MLIP: variants seen among roughly 807,000 people sequenced by gnomAD.
The protein encoded by MLIP is muscular LMNA-interacting protein.
Under a neutral mutation model 84.8 loss-of-function variants are expected in MLIP, and 79 were observed. That is an observed-to-expected ratio of 0.93 (90% confidence interval 0.78 to 1.12). The LOEUF is 1.12. Ranked by LOEUF, MLIP falls within the 50% of genes most tolerant of loss-of-function variation. The pLI is 0.00. For missense variants in MLIP, 1,257 were observed against 1,160.6 expected (o/e 1.08, Z -1.21); for synonymous variants, 504 against 463.0 (o/e 1.09, Z -1.14).
chr6:54,142,309 A>C (rs1772385008), intron 4 of MLIP, among the ~76,000 whole-genome samples: 1 of 152,198 alleles, frequency 6.6e-6, no homozygotes, highest in African/African-American at 2.4e-5. Context: ...CCTCCAAATA[A>C]GTAAATTATT....
At chr6:54,241,092 A>G (rs964158952) in intron 12 of MLIP, among the ~76,000 whole-genome samples, 95 of 152,106 alleles carry the variant, frequency 6.2e-4, no homozygotes, top group African/African-American at 2.2e-3. Context: ...AGAAAACACT[A>G]TGCTTCCCCT....
intron 9 of MLIP, among the ~76,000 whole-genome samples, chr6:54,171,763 T>C (rs1044019499): frequency 9.9e-5 from 15 of 151,586 alleles, no homozygotes; most frequent in African/African-American, 2.9e-4. Context: ...TTGACTGAGC[T>C]ATGGGATGTC....
intron 1 of MLIP, among the ~76,000 whole-genome samples, chr6:54,098,863 C>T (rs1768422814): frequency 6.6e-6 from 1 of 152,100 alleles, no homozygotes. Flanking sequence ...CTTATTATCC[C>T]TATTTTACAG....
At chr6:54,116,763 A>G (rs748785839) in intron 1 of MLIP, among the ~76,000 whole-genome samples, 1 of 152,214 alleles carries the variant, frequency 6.6e-6, no homozygotes, top group Non-Finnish European at 1.5e-5. Flanking sequence ...CATTACCCTG[A>G]TGCCAAAACC....
intron 1 of MLIP, among the ~76,000 whole-genome samples, chr6:54,102,965 T>C (rs1380896527): frequency 6.6e-6 from 1 of 152,116 alleles, no homozygotes; most frequent in Non-Finnish European, 1.5e-5. Context: ...CTTTAGGTAA[T>C]GATTTTATAA....
chr6:54,019,016 A>T (rs750967625), exon 1 of MLIP: 1 of 1,602,126 alleles, frequency 6.2e-7, no homozygotes, highest in Admixed American at 1.7e-5. Flanking sequence ...TCTCTTTCTC[A>T]TTCTCTTTCA....
chr6:54,169,960 C>A (rs955577627), intron 9 of MLIP, among the ~76,000 whole-genome samples: 1 of 151,730 alleles, frequency 6.6e-6, no homozygotes, highest in African/African-American at 2.4e-5. Context: ...CCAGTTTAAT[C>A]AACTTTGACT....
intron 4 of MLIP, among the ~76,000 whole-genome samples, chr6:54,144,427 G>C (rs752115097): frequency 6.6e-6 from 1 of 152,202 alleles, no homozygotes; most frequent in African/African-American, 2.4e-5. Context: ...TTTGGCACCA[G>C]GGACCAGTTT....
At position 54,168,042 on chromosome 6, in the gene MLIP, T is replaced by C. The variant is rs1775376091; in HGVS notation, c.2500-1486T>C. Among the ~76,000 whole-genome samples, 4 of 152,048 alleles carry C rather than the reference T, an allele frequency of 2.6e-5. No individual in the cohort carries two copies. In the South Asian group the frequency reaches 8.3e-4, roughly 31 times the overall value. On this transcript the variant is annotated intron_variant, in intron 8 of 13. Transcript: ENST00000502396. ...CCCATCCTCTTTTGATTTTGCCCAGTAACTATTCACTTTCTTTTTAGTTCA... is the reference window on the plus strand; with the variant it reads ...CCCATCCTCTTTTGATTTTGCCCAGCAACTATTCACTTTCTTTTTAGTTCA...
chr6:54,095,778 G>A (rs1014031863), intron 1 of MLIP, among the ~76,000 whole-genome samples: 3 of 152,192 alleles, frequency 2.0e-5, no homozygotes, highest in Admixed American at 1.3e-4. Flanking sequence ...AGTTTGCAGA[G>A]TCAGAATCTC....
intron 10 of MLIP, among the ~76,000 whole-genome samples, chr6:54,197,973 C>A (rs1778413635): frequency 6.6e-6 from 1 of 152,028 alleles, no homozygotes; most frequent in South Asian, 2.1e-4. Flanking sequence ...CACAAAGTTG[C>A]AATGTAGATG....
At chr6:54,061,572 T>G (rs559404818) in intron 1 of MLIP, among the ~76,000 whole-genome samples, 1 of 152,332 alleles carries the variant, frequency 6.6e-6, no homozygotes, top group Admixed American at 6.5e-5. Context: ...CTCTGATCTT[T>G]GAAGAATTTA....
chr6:54,236,803 T>C (rs1453079166), intron 12 of MLIP, among the ~76,000 whole-genome samples: 27 of 152,144 alleles, frequency 1.8e-4, no homozygotes, highest in Admixed American at 1.4e-3. Context: ...GCTACTCTTA[T>C]GCTTGAGTTA....
intron 10 of MLIP, 83 bp from the exon 11 acceptor site, chr6:54,202,022 G>A: frequency 9.8e-7 from 1 of 1,020,240 alleles, no homozygotes; most frequent in Non-Finnish European, 1.3e-6. Context: ...GAACAGCATT[G>A]AATGACTTAA....
rs1561967790 is a variant in MLIP at position 54,136,861 on chromosome 6, G to A, written c.792G>A (p.Leu264=). 6.5e-7 allele frequency: 1 copy of A among 1,535,238 alleles called. No individual in the cohort carries two copies. The highest frequency in any genetic ancestry group is 8.7e-7 in the Non-Finnish European group (1 of 1,146,146). The change falls in exon 4 of 14, where the codon CTG becomes CTA. Residue 264 remains leucine, a synonymous_variant. Coordinates refer to ENST00000502396, the MANE Select transcript of MLIP (RefSeq NM_001281747.2). The part of the protein sequence containing the change: ...SVLEEFHTRR[L]DVGGAVVEES... ...TAGAGGAGTTCCACACTAGGAGGCT[G>A]GATGTCGGTGGGGCCGTGGTGGAAG...
At chr6:54,037,768 A>G (rs1414028191) in intron 1 of MLIP, among the ~76,000 whole-genome samples, 2 of 151,948 alleles carry the variant, frequency 1.3e-5, no homozygotes, top group Non-Finnish European at 2.9e-5. Context: ...ATAGTGAGTA[A>G]TGGTAAAAAC....
At chr6:54,160,658 C>T (rs1214104049) in intron 7 of MLIP, 59 bp downstream of exon 7, 25 of 1,524,926 alleles carry the variant, frequency 1.6e-5, no homozygotes, top group South Asian at 6.8e-5. Flanking sequence ...CTTCATTTTC[C>T]TCTACTTTAG....
intron 1 of MLIP, among the ~76,000 whole-genome samples, chr6:54,082,065 T>C (rs904230689): frequency 2.0e-5 from 3 of 152,110 alleles, no homozygotes; most frequent in African/African-American, 7.2e-5. Context: ...ATATAGTTGC[T>C]TCTGCATTTC....
intron 1 of MLIP, among the ~76,000 whole-genome samples, chr6:54,098,447 G>A (rs973547375): frequency 2.0e-5 from 3 of 150,762 alleles, no homozygotes; most frequent in African/African-American, 7.3e-5. Flanking sequence ...GATTACAGGA[G>A]TGAGCCACTG....
Sources: allele counts gnomAD v4.1 joint callset (sites outside exome capture counted in the v4.1 genomes callset), GRCh38; gene constraint gnomAD v4.1.1; transcripts MANE v1.5; gene names NCBI Gene and HGNC (gene_info 2026-07-23, HGNC 2026-07-21).